The following NIBAN1 variants were observed in gnomAD, a reference collection of about 807,000 sequenced individuals.
The protein encoded by NIBAN1 is protein Niban 1.
Under a neutral mutation model 75.1 loss-of-function variants are expected in NIBAN1, and 81 were observed. The observed-to-expected ratio is 1.08, with a 90% CI of 0.90 to 1.30. The LOEUF (loss-of-function observed/expected upper bound fraction) is 1.30, where lower values mean the gene tolerates loss of function less well. Ranked by LOEUF, NIBAN1 falls within the 50% of genes most tolerant of loss-of-function variation. The pLI, the probability that NIBAN1 is intolerant of heterozygous loss-of-function variation, is 0.00. For synonymous variants in NIBAN1, 436 were observed against 424.8 expected (o/e 1.03, Z -0.32); for missense variants, 1,133 against 1,128.1 (o/e 1.00, Z -0.06).
chr1:184,866,970 G>A (rs1655973377), intron 5 of NIBAN1, among the ~76,000 whole-genome samples: 1 of 152,068 alleles, frequency 6.6e-6, no homozygotes, highest in African/African-American at 2.4e-5. Context: ...CCCTTCTATT[G>A]TTATTCATTT....
At chr1:184,925,522 A>G (rs116550760) in intron 1 of NIBAN1, among the ~76,000 whole-genome samples, 337 of 152,026 alleles carry the variant, frequency 2.2e-3, no homozygotes, top group African/African-American at 7.4e-3. Flanking sequence ...ATTAGTGAAG[A>G]TGATTTTTCT....
intron 1 of NIBAN1, among the ~76,000 whole-genome samples, chr1:184,931,267 T>G (rs1453397532): frequency 6.6e-6 from 1 of 152,186 alleles, no homozygotes; most frequent in African/African-American, 2.4e-5. Context: ...CCCAAAGTGC[T>G]GGGATTACAG....
chr1:184,823,163 T>C lies in NIBAN1; in HGVS notation c.985+4A>G. On this transcript the variant is annotated splice_donor_region_variant and intron_variant, in intron 8 of 13. Transcript: ENST00000367511. ...TAGTAAGAGCATGGATTATCTCTAC[T>C]GACCTTTGATCTTTCCAATTAAATA... The C allele has an allele frequency of 6.2e-7, 1 of 1,613,996 alleles. No homozygotes were observed. Among genetic ancestry groups the C allele is most frequent in the East Asian group, 2.2e-5 (1 of 44,884 alleles).
intron 5 of NIBAN1, among the ~76,000 whole-genome samples, chr1:184,857,525 A>G (rs1655710874): frequency 6.6e-6 from 1 of 152,246 alleles, no homozygotes; most frequent in Non-Finnish European, 1.5e-5. Context: ...GGGAATAATT[A>G]GCTACAATGA....
At chr1:184,917,902 A>T (rs1657436852) in intron 1 of NIBAN1, among the ~76,000 whole-genome samples, 1 of 151,714 alleles carries the variant, frequency 6.6e-6, no homozygotes, top group South Asian at 2.1e-4. Flanking sequence ...CCCTGAATCC[A>T]TTGTTCTCAG....
chr1:184,833,382 G>A (rs1395367501), intron 5 of NIBAN1, among the ~76,000 whole-genome samples: 5 of 151,570 alleles, frequency 3.3e-5, no homozygotes, highest in Non-Finnish European at 5.9e-5. Context: ...AGGATACCAC[G>A]AAGTCCATTC....
chr1:184,857,092 A>G (rs1655697096), intron 5 of NIBAN1, among the ~76,000 whole-genome samples: 1 of 152,228 alleles, frequency 6.6e-6, no homozygotes, highest in Non-Finnish European at 1.5e-5. Flanking sequence ...TATCCTAGAA[A>G]GAGTTCTTAA....
chr1:184,920,800 A>G (rs1209803222), intron 1 of NIBAN1, among the ~76,000 whole-genome samples: 1 of 152,208 alleles, frequency 6.6e-6, no homozygotes, highest in Admixed American at 6.5e-5. Context: ...AACTCAGGGA[A>G]GTAAGGCATT....
At chr1:184,928,942 C>A (rs552821753) in intron 1 of NIBAN1, among the ~76,000 whole-genome samples, 75 of 152,248 alleles carry the variant, frequency 4.9e-4, no homozygotes, top group Non-Finnish European at 9.8e-4. Context: ...GTGATGCACA[C>A]CCACTCTCCC....
At chr1:184,957,423 T>C (rs1307742984) in intron 1 of NIBAN1, among the ~76,000 whole-genome samples, 2 of 152,216 alleles carry the variant, frequency 1.3e-5, no homozygotes, top group Non-Finnish European at 2.9e-5. Context: ...TAGTACTAAT[T>C]ACAACACTAG....
In NIBAN1 at chr1:184,795,724, G is replaced by C. The variant is rs754777119; in HGVS notation, c.2040C>G (p.Cys680Trp). ...TCCCTCCAAACTCCAGCTCTGATGA[G>C]CATGTGCCCGGGAGTCCTGCTGTGT... ...TEDTAGLPGT[C>W]SSELEFGGTL... The change falls in exon 14 of 14, where the codon TGC (cysteine) becomes TGG (tryptophan). Residue 680 changes from cysteine to tryptophan, a missense_variant. Cys to Trp is a radical substitution (Grantham distance 215). Coordinates refer to ENST00000367511, the MANE Select transcript of NIBAN1 (RefSeq NM_052966.4). The C allele has an allele frequency of 6.2e-7, 1 of 1,613,334 alleles. No individual in the cohort carries two copies. The highest frequency in any genetic ancestry group is 1.1e-5 in the South Asian group (1 of 91,002).
rs934670927 is a variant in NIBAN1 at position 184,794,279 on chromosome 1, T to C, written c.*698A>G. The C allele has an allele frequency of 6.5e-6, 1 of 153,296 alleles. No homozygotes were observed. Among genetic ancestry groups the C allele is most frequent in the Non-Finnish European group, 1.5e-5 (1 of 68,962 alleles). The allele number at this position is 153,296 out of a possible 1,614,324, so 9.5% of individuals were successfully genotyped here. ...AGGCCAATAAAATTTTCTTGCCTCATCTGAATTTCCTGCAAATGTGATTAA... is the reference window on the plus strand; with the variant it reads ...AGGCCAATAAAATTTTCTTGCCTCACCTGAATTTCCTGCAAATGTGATTAA... On this transcript the variant is annotated 3_prime_UTR_variant, in exon 14 of 14. Coordinates refer to ENST00000367511, the MANE Select transcript of NIBAN1 (RefSeq NM_052966.4).
At chr1:184,917,254 G>C (rs1657410082) in intron 1 of NIBAN1, among the ~76,000 whole-genome samples, 1 of 150,718 alleles carries the variant, frequency 6.6e-6, no homozygotes, top group African/African-American at 2.5e-5. Context: ...GCCCAGGCTG[G>C]AGTGCAGTGG....
chr1:184,941,652 C>CA (rs1190148311), intron 1 of NIBAN1, among the ~76,000 whole-genome samples: 15,520 of 71,834 alleles, frequency 0.22, 1,220 homozygotes, highest in African/African-American at 0.35. Context: ...GACCCTGTCT[C>CA]AAAAAAAAAA....
chr1:184,866,455 C>T (rs1183889407), intron 5 of NIBAN1, among the ~76,000 whole-genome samples: 2 of 152,098 alleles, frequency 1.3e-5, no homozygotes, highest in African/African-American at 4.8e-5. Flanking sequence ...AGGATGTGTT[C>T]TTTGGAGGAA....
chr1:184,820,736 G>A (rs1305045811), intron 8 of NIBAN1, among the ~76,000 whole-genome samples: 1 of 152,260 alleles, frequency 6.6e-6, no homozygotes, highest in Non-Finnish European at 1.5e-5. Context: ...CCTGGGTTTG[G>A]AGCCCGACTC....
intron 5 of NIBAN1, among the ~76,000 whole-genome samples, chr1:184,858,759 G>A (rs1655741884): frequency 6.6e-6 from 1 of 152,216 alleles, no homozygotes; most frequent in Admixed American, 6.5e-5. Flanking sequence ...ATGGGTGATA[G>A]TGGTAAACCT....
chr1:184,910,333 C>T (rs1405889016), intron 1 of NIBAN1, among the ~76,000 whole-genome samples: 2 of 152,156 alleles, frequency 1.3e-5, no homozygotes, highest in African/African-American at 2.4e-5. Context: ...CATCCATATA[C>T]TGATGAAAAC....
chr1:184,902,897 G>A (rs1416159037), intron 1 of NIBAN1, among the ~76,000 whole-genome samples: 1 of 152,120 alleles, frequency 6.6e-6, no homozygotes, highest in Admixed American at 6.5e-5. Flanking sequence ...AAAATATTCT[G>A]TATATTGAAA....
Sources: allele counts gnomAD v4.1 joint callset (sites outside exome capture counted in the v4.1 genomes callset), GRCh38; gene constraint gnomAD v4.1.1; transcripts MANE v1.5; gene names NCBI Gene and HGNC (gene_info 2026-07-23, HGNC 2026-07-21).